HS6ST3: variants seen among roughly 807,000 people sequenced by gnomAD.
The protein encoded by HS6ST3 is heparan-sulfate 6-O-sulfotransferase 3.
Under a neutral mutation model 36.7 loss-of-function variants are expected in HS6ST3, and 12 were observed. That is an observed-to-expected ratio of 0.33 (90% CI 0.21 to 0.53). The LOEUF (loss-of-function observed/expected upper bound fraction) is 0.53. Among genes scored for constraint, HS6ST3 ranks in the 20% least tolerant of loss-of-function variants. HS6ST3 has a pLI of 0.95. For missense variants in HS6ST3, 584 were observed against 640.9 expected, an observed-to-expected ratio of 0.91 and a Z score of 0.96; for synonymous variants, 240 against 257.5, an observed-to-expected ratio of 0.93 and a Z score of 0.65.
intron 1 of HS6ST3, among the ~76,000 whole-genome samples, chr13:96,296,173 A>G (rs920492165): frequency 4.6e-5 from 7 of 152,150 alleles, no homozygotes; most frequent in Non-Finnish European, 8.8e-5. Context: ...CATTCTCCCA[A>G]TTGCAGAAAA....
chr13:96,813,395 A>G (rs1878360104), intron 1 of HS6ST3, among the ~76,000 whole-genome samples: 1 of 152,148 alleles, frequency 6.6e-6, no homozygotes, highest in Non-Finnish European at 1.5e-5. Context: ...CCCCACCACT[A>G]ACATTGTCAC....
chr13:96,162,942 A>G (rs532310722), intron 1 of HS6ST3, among the ~76,000 whole-genome samples: 24 of 152,260 alleles, frequency 1.6e-4, no homozygotes, highest in African/African-American at 4.8e-4. Context: ...CCCAAAATCA[A>G]TGACTAAATT....
intron 1 of HS6ST3, among the ~76,000 whole-genome samples, chr13:96,495,145 T>C (rs1389019174): frequency 1.3e-5 from 2 of 152,162 alleles, no homozygotes; most frequent in Non-Finnish European, 2.9e-5. Context: ...TTTTGTTTTG[T>C]TTTTTACACA....
At chr13:96,486,971 G>T (rs1014495069) in intron 1 of HS6ST3, among the ~76,000 whole-genome samples, 2 of 152,130 alleles carry the variant, frequency 1.3e-5, no homozygotes, top group Non-Finnish European at 2.9e-5. Context: ...TAAAGGGATA[G>T]GCTGACTGGG....
intron 1 of HS6ST3, among the ~76,000 whole-genome samples, chr13:96,501,495 G>A (rs376220649): frequency 6.6e-5 from 10 of 152,112 alleles, no homozygotes; most frequent in African/African-American, 1.9e-4. Context: ...TGTGTCCTGC[G>A]CCCTCACCTG....
chr13:96,641,820 G>A (rs913264530), intron 1 of HS6ST3, among the ~76,000 whole-genome samples: 4 of 151,618 alleles, frequency 2.6e-5, no homozygotes, highest in Admixed American at 1.3e-4. Flanking sequence ...TACTGTTATT[G>A]TAAAAGAAAT....
At chr13:96,190,532 A>G (rs779197153) in intron 1 of HS6ST3, among the ~76,000 whole-genome samples, 4 of 152,122 alleles carry the variant, frequency 2.6e-5, no homozygotes, top group Non-Finnish European at 4.4e-5. Context: ...TCATTCATTC[A>G]TGGCATTCAA....
intron 1 of HS6ST3, among the ~76,000 whole-genome samples, chr13:96,357,180 T>A (rs1220580641): frequency 6.6e-6 from 1 of 152,336 alleles, no homozygotes; most frequent in Admixed American, 6.5e-5. Flanking sequence ...TCCAGATTAT[T>A]AAAACTTTCT....
intron 1 of HS6ST3, among the ~76,000 whole-genome samples, chr13:96,141,427 C>T (rs1594691943): frequency 6.6e-6 from 1 of 151,940 alleles, no homozygotes; most frequent in South Asian, 2.1e-4. Flanking sequence ...GATCATGGCT[C>T]ACTGCATCCT....
chr13:96,463,132 T>C (rs1479421872), intron 1 of HS6ST3, among the ~76,000 whole-genome samples: 1 of 152,182 alleles, frequency 6.6e-6, no homozygotes. Flanking sequence ...CTAGACGAAC[T>C]GTTTTTTAAA....
At chr13:96,811,159 A>G (rs148656313) in intron 1 of HS6ST3, among the ~76,000 whole-genome samples, 1 of 152,334 alleles carries the variant, frequency 6.6e-6, no homozygotes, top group Non-Finnish European at 1.5e-5. Context: ...AACATCAGAA[A>G]TGAAAAGCCA....
intron 1 of HS6ST3, among the ~76,000 whole-genome samples, chr13:96,106,044 T>C (rs913785251): frequency 6.6e-6 from 1 of 152,250 alleles, no homozygotes; most frequent in Non-Finnish European, 1.5e-5. Context: ...GGATTGGTTG[T>C]AGAGCTGTAT....
chr13:96,796,532 T>C (rs913344470), intron 1 of HS6ST3, among the ~76,000 whole-genome samples: 4 of 152,102 alleles, frequency 2.6e-5, no homozygotes, highest in African/African-American at 9.7e-5. Context: ...TCTGTGATGA[T>C]TGGCTGAGAG....
intron 1 of HS6ST3, among the ~76,000 whole-genome samples, chr13:96,662,076 G>A (rs1467281210): frequency 6.6e-6 from 1 of 152,052 alleles, no homozygotes; most frequent in Non-Finnish European, 1.5e-5. Flanking sequence ...GTATGCCTTG[G>A]TGATGTGCAT....
chr13:96,643,937 A>G (rs866751182), intron 1 of HS6ST3, among the ~76,000 whole-genome samples: 23 of 152,006 alleles, frequency 1.5e-4, no homozygotes, highest in Non-Finnish European at 2.8e-4. Context: ...GGAAAAATGA[A>G]TGTTCTCTGA....
chr13:96,268,349 C>T (rs978421789), intron 1 of HS6ST3, among the ~76,000 whole-genome samples: 1 of 151,978 alleles, frequency 6.6e-6, no homozygotes, highest in Non-Finnish European at 1.5e-5. Flanking sequence ...ATGTCCTTCA[C>T]ATGGCGGCAG....
At chr13:96,161,591 C>T (rs1224897047) in intron 1 of HS6ST3, among the ~76,000 whole-genome samples, 2 of 152,160 alleles carry the variant, frequency 1.3e-5, no homozygotes, top group African/African-American at 2.4e-5. Flanking sequence ...ATACTAAACT[C>T]AATGATCAGG....
At chr13:96,124,059 C>A (rs1198476565) in intron 1 of HS6ST3, among the ~76,000 whole-genome samples, 1 of 152,102 alleles carries the variant, frequency 6.6e-6, no homozygotes, top group African/African-American at 2.4e-5. Flanking sequence ...CAGGGTTAAG[C>A]CTGTTGAAGA....
In HS6ST3 at chr13:96,139,567, A is replaced by T. The variant is rs865972678; in HGVS notation, c.707+47998A>T. Reference sequence around the variant, plus strand: ...AAAAAAAAAAAAAAAAAAAAAAAAAATCCATGTATAAGTTAATTTGGTATA... The same window carrying T: ...AAAAAAAAAAAAAAAAAAAAAAAAATTCCATGTATAAGTTAATTTGGTATA... On this transcript the variant is annotated intron_variant, in intron 1 of 1. Coordinates refer to ENST00000376705, the MANE Select transcript of HS6ST3 (RefSeq NM_153456.4). Among the ~76,000 whole-genome samples the T allele has an allele frequency of 8.4e-4, 117 of 138,742 alleles. 2 individuals carry two copies. Among genetic ancestry groups the T allele is most frequent in the African/African-American group, 2.9e-3 (102 of 35,660 alleles). 91.0% of individuals were successfully genotyped at this position (138,742 alleles called of 152,430 possible). A position where few individuals can be genotyped will look rare whatever the true frequency, so the allele number is the denominator to read the frequency against.
Sources: gnomAD v4.1 joint callset for allele counts (sites outside exome capture counted in the v4.1 genomes callset) on GRCh38, gnomAD v4.1.1 for gene constraint, MANE v1.5 for transcripts, NCBI Gene and HGNC (gene_info 2026-07-23, HGNC 2026-07-21) for gene names.